Variants in GSE1 observed in about 807,000 individuals in gnomAD.
GSE1 encodes genetic suppressor element 1.
In GSE1, 32 loss-of-function variants were observed where a neutral mutation model predicts 112.6. The ratio of observed to expected loss-of-function variants is 0.28; its 90% CI spans 0.21 to 0.38. The LOEUF is 0.38. Among genes scored for constraint, GSE1 ranks in the 10% least tolerant of loss-of-function variants. The probability of loss-of-function intolerance (pLI) is 1.00; values close to 1 mark genes in which losing one functional copy is unlikely to be tolerated. For missense variants in GSE1, 2,348 were observed against 1,699.2 expected (o/e 1.38, Z -6.71); for synonymous variants, 1,115 against 735.6 (o/e 1.52, Z -8.35).
rs142822982 is a variant in GSE1, at chr16:85,224,418, G to A, written c.2283+52611G>A. On this transcript the variant is annotated intron_variant, in intron 1 of 2. Coordinates refer to the GSE1 transcript ENST00000637419. Reference sequence around the variant, plus strand: ...TGGCAGCTGATAAACTAATATTTGGGCTTAGCTCAAGGCTCTGCAAATTAG... The same window carrying A: ...TGGCAGCTGATAAACTAATATTTGGACTTAGCTCAAGGCTCTGCAAATTAG... 7.8e-3 allele frequency among the ~76,000 whole-genome samples: 1,178 copies of A among 151,680 alleles called. 16 individuals are homozygous for A. The highest frequency in any genetic ancestry group is 0.027 in the African/African-American group (1,124 of 41,304).
At chr16:85,175,183 G>A (rs2074436386) in intron 1 of GSE1, among the ~76,000 whole-genome samples, 1 of 152,180 alleles carries the variant, frequency 6.6e-6, no homozygotes, top group Non-Finnish European at 1.5e-5. Context: ...CTTCTGCTTT[G>A]GATAGGATTT....
intron 2 of GSE1, among the ~76,000 whole-genome samples, chr16:85,383,532 TC>T: frequency 1.6e-3 from 1 of 620 alleles, no homozygotes; most frequent in Admixed American, 5.8e-3. Flanking sequence ...CCTGCGTCTC[TC>T]TCTCTCTCTC....
chr16:85,570,256 G>T (rs1327078903), intron 1 of GSE1, among the ~76,000 whole-genome samples: 1 of 152,144 alleles, frequency 6.6e-6, no homozygotes, highest in Non-Finnish European at 1.5e-5. Flanking sequence ...GCTGGAGGAG[G>T]TCCTCAGAGC....
intron 1 of GSE1, among the ~76,000 whole-genome samples, chr16:85,616,069 G>T (rs2048352074): frequency 6.6e-6 from 1 of 152,242 alleles, no homozygotes; most frequent in Non-Finnish European, 1.5e-5. Flanking sequence ...CAGAAGCCAA[G>T]CCTGCCTGTG....
rs191814101 is a variant in GSE1, at chr16:85,589,909, C to T, written c.37+33546C>T. 1.3e-3 allele frequency among the ~76,000 whole-genome samples: 202 copies of T among 151,568 alleles called. 1 individual carries two copies. The highest frequency in any genetic ancestry group is 4.6e-3 in the African/African-American group (188 of 41,298). ...GTGAAGGAATGTGTGTGATGTGAAC[C>T]TGAGTGATTGAGCATGAATGTGAAC... On this transcript the variant is annotated intron_variant, in intron 1 of 2. Coordinates refer to the GSE1 transcript ENST00000635906.
At chr16:85,270,672 AAC>A (rs1379148717) in intron 1 of GSE1, among the ~76,000 whole-genome samples, 4 of 140,960 alleles carry the variant, frequency 2.8e-5, no homozygotes, top group East Asian at 1.9e-4. Context: ...CCTTGAAGGA[AAC>A]ACACACGAGA....
In GSE1 at chr16:85,498,424, C is replaced by G. The variant is rs549134870; in HGVS notation, c.2465-135490C>G. 2.8e-3 allele frequency among the ~76,000 whole-genome samples: 419 copies of G among 152,212 alleles called. 1 individual carries two copies. The highest frequency in any genetic ancestry group is 5.8e-3 in the African/African-American group (242 of 41,508). ...GCACATACATCCAGACACACAGACA[C>G]ACACGGACACACAGATACCCATGCA... On this transcript the variant is annotated intron_variant, in intron 2 of 2. Transcript: ENST00000637419.
rs766202972 is a variant in GSE1, at chr16:85,408,126, G to GC, written c.2464+50488dup. Among the ~76,000 whole-genome samples the GC allele has an allele frequency of 7.2e-4, 23 of 32,056 alleles. 3 individuals carry two copies. Among genetic ancestry groups the GC allele is most frequent in the South Asian group, 1.4e-3 (1 of 712 alleles). The allele number at this position is 32,056 out of a possible 152,430, so 21.0% of individuals were successfully genotyped here. ...GGATAATCCTCACTGTTACTCTCAG[G>GC]CCCCCTGGATAATCCTCACTGTTAC... On this transcript the variant is annotated intron_variant, in intron 2 of 2. Transcript: ENST00000637419.
At position 85,654,394 on chromosome 16, in the gene GSE1, C is replaced by T. The variant is rs778149941; in HGVS notation, c.543C>T (p.Tyr181=). 2.6e-5 allele frequency: 42 copies of T among 1,604,050 alleles called. 1 individual carries two copies. The highest frequency in any genetic ancestry group is 3.5e-5 in the Non-Finnish European group (41 of 1,175,428). Residue 181 remains tyrosine, a synonymous_variant, in exon 4 of 16, where the codon TAC becomes TAT. Transcript: ENST00000253458. ...AIPSHLLSTP[Y]PFGLSPSSVV... ...CCTCGCACCTGCTCAGCACCCCCTA[C>T]CCCTTCGGCCTCTCCCCCAGCTCAG...
chr16:85,494,194 C>T (rs187150953), intron 2 of GSE1, among the ~76,000 whole-genome samples: 5 of 152,368 alleles, frequency 3.3e-5, no homozygotes, highest in Admixed American at 6.5e-5. Context: ...AGTCTGAAGT[C>T]AAGGCATCAG....
chr16:85,584,314 T>C (rs1410480534), intron 1 of GSE1, among the ~76,000 whole-genome samples: 1 of 152,086 alleles, frequency 6.6e-6, no homozygotes, highest in Admixed American at 6.5e-5. Context: ...GTGCATATGG[T>C]AGGCAGGCTG....
At chr16:85,617,596 T>TCCCCCCCCCCCCCCC (rs139892598) in intron 1 of GSE1, among the ~76,000 whole-genome samples, 1 of 36,394 alleles carries the variant, frequency 2.7e-5, no homozygotes, top group African/African-American at 9.4e-5. Flanking sequence ...GTGTCAACCC[T>TCCCCCCCCCCCCCCC]CCCCCCCCCC....
chr16:85,289,251 C>G (rs1304748500), intron 1 of GSE1, among the ~76,000 whole-genome samples: 1 of 152,144 alleles, frequency 6.6e-6, no homozygotes, highest in Admixed American at 6.5e-5. Context: ...CTTGTGAGTT[C>G]ATCCTCCCGC....
chr16:85,374,101 C>T (rs779486264), intron 2 of GSE1, among the ~76,000 whole-genome samples: 6 of 151,960 alleles, frequency 3.9e-5, no homozygotes, highest in South Asian at 4.2e-4. Flanking sequence ...GGTGTGTGCA[C>T]GCGTGGCCCT....
In GSE1 at chr16:85,171,517, A is replaced by G. The variant is rs148234831; in HGVS notation, c.1993A>G (p.Ser665Gly). ...CCAGTGGCTGCAGCATGAGGCCCGC[A>G]GCTCCCACCACGCTGTCAGCGCCTG... The change falls in exon 1 of 3, where the codon AGC (serine) becomes GGC (glycine). Residue 665 changes from serine (S) to glycine (G), a missense_variant. Coordinates refer to the GSE1 transcript ENST00000637419. 1,677 of 985,488 alleles carry G rather than the reference A, an allele frequency of 1.7e-3. 28 individuals are homozygous for G. The African/African-American group carries it at 0.027, about 16-fold the overall frequency. The allele number at this position is 985,488 out of a possible 1,614,324, so 61.0% of individuals were successfully genotyped here.
intron 2 of GSE1, among the ~76,000 whole-genome samples, chr16:85,483,205 A>T (rs558352509): frequency 6.6e-6 from 1 of 152,260 alleles, no homozygotes; most frequent in African/African-American, 2.4e-5. Flanking sequence ...GTATTAATAC[A>T]TGCAAACATT....
At chr16:85,304,721 C>G (rs2045628159) in intron 1 of GSE1, among the ~76,000 whole-genome samples, 1 of 151,724 alleles carries the variant, frequency 6.6e-6, no homozygotes, top group Non-Finnish European at 1.5e-5. Context: ...ATAAATAACA[C>G]CTGCAGAAGA....
chr16:85,400,892 T>C (rs2048097424), intron 2 of GSE1, among the ~76,000 whole-genome samples: 1 of 152,036 alleles, frequency 6.6e-6, no homozygotes. Context: ...TGTGTGATTG[T>C]GGGTCTGTGT....
chr16:85,545,737 G>A (rs536542995), intron 2 of GSE1, among the ~76,000 whole-genome samples: 42 of 152,304 alleles, frequency 2.8e-4, no homozygotes, highest in Admixed American at 2.0e-4. Context: ...GAGACCTAGA[G>A]ACCTATGGGT....
Sources: allele counts gnomAD v4.1 joint callset (sites outside exome capture counted in the v4.1 genomes callset), GRCh38; gene constraint gnomAD v4.1.1; transcripts MANE v1.5; gene names NCBI Gene and HGNC (gene_info 2026-07-23, HGNC 2026-07-21).